The following COL22A1 variants were observed in gnomAD, a reference collection of about 807,000 sequenced individuals.
The protein encoded by COL22A1 is collagen alpha-1(XXII) chain.
COL22A1 carries 221 observed loss-of-function variants against 248.9 expected under a neutral mutation model. The observed-to-expected ratio is 0.89, with a 90% CI of 0.80 to 0.99. COL22A1 has a LOEUF of 0.99. Among genes scored for constraint, COL22A1 ranks in the 50% least tolerant of loss-of-function variants. The pLI is 0.00. For synonymous variants in COL22A1, 891 were observed against 793.4 expected (o/e 1.12, Z -2.07); for missense variants, 2,240 against 2,179.0 (o/e 1.03, Z -0.56).
At chr8:138,629,733 C>T (rs960846277) in intron 50 of COL22A1, among the ~76,000 whole-genome samples, 2 of 152,234 alleles carry the variant, frequency 1.3e-5, no homozygotes, top group African/African-American at 2.4e-5. Context: ...CCCCATGGGA[C>T]TCTGACCTCC....
chr8:138,630,982 C>T (rs1820673615), intron 49 of COL22A1, among the ~76,000 whole-genome samples: 2 of 152,150 alleles, frequency 1.3e-5, no homozygotes, highest in African/African-American at 2.4e-5. Context: ...AGTGAGCCCC[C>T]ACTCAGTTCA....
intron 10 of COL22A1, among the ~76,000 whole-genome samples, chr8:138,804,022 C>G (rs946654587): frequency 6.6e-6 from 1 of 152,088 alleles, no homozygotes; most frequent in Admixed American, 6.5e-5. Context: ...ATGGGGCCTC[C>G]CCTCTCAGCC....
chr8:138,805,070 T>TAATGGTGTGTGGTG, intron 10 of COL22A1, among the ~76,000 whole-genome samples: 1 of 145,000 alleles, frequency 6.9e-6, no homozygotes, highest in African/African-American at 2.6e-5. Flanking sequence ...TGATGGTGTG[T>TAATGGTGTGTGGTG]GTGTGTGTTA....
At chr8:138,604,050 A>G (rs987222601) in intron 59 of COL22A1, among the ~76,000 whole-genome samples, 13 of 152,288 alleles carry the variant, frequency 8.5e-5, no homozygotes, top group African/African-American at 2.9e-4. Flanking sequence ...CTTCAGTGTC[A>G]AGGAAAGTTG....
rs1823868542 is a variant in COL22A1, at chr8:138,660,975, T to TGC, written c.3241-496_3241-495insGC. 9.6e-5 allele frequency among the ~76,000 whole-genome samples: 5 copies of TGC among 52,118 alleles called. 1 individual carries two copies. Among genetic ancestry groups the TGC allele is most frequent in the African/African-American group, 2.6e-4 (5 of 19,266 alleles). The allele number at this position is 52,118 out of a possible 152,430, so 34.2% of individuals were successfully genotyped here. On this transcript the variant is annotated intron_variant, in intron 43 of 64. Coordinates refer to ENST00000303045, the MANE Select transcript of COL22A1 (RefSeq NM_152888.3). ...ACACAGACACACACGCACACACACA[T>TGC]ACACACACACATACACACATACACA...
chr8:138,655,941 G>A lies in COL22A1; in HGVS notation c.3289C>T (p.Leu1097Phe), dbSNP rs774719003. Residue 1097 changes from leucine (L) to phenylalanine (F), a missense_variant, in exon 45 of 65, where the codon CTC (leucine) becomes TTC (phenylalanine). Coordinates refer to ENST00000303045, the MANE Select transcript of COL22A1 (RefSeq NM_152888.3). ...GERGPPGKPG[L>F]SSLLSPGDIN... ...TCCCCTGGAGACAGTAGTGAAGAGA[G>A]GCCCTGTCAAAATAAAAAGAAACAA... 1.7e-5 allele frequency: 27 copies of A among 1,611,272 alleles called. 1 individual carries two copies. The Admixed American group carries it at 4.3e-4, about 26-fold the overall frequency.
intron 7 of COL22A1, among the ~76,000 whole-genome samples, chr8:138,814,049 C>T (rs1818472254): frequency 6.6e-6 from 1 of 152,246 alleles, no homozygotes; most frequent in Non-Finnish European, 1.5e-5. Flanking sequence ...TGCATGAACA[C>T]ATTCACACAC....
chr8:138,798,052 T>C (rs1816700209), intron 11 of COL22A1, among the ~76,000 whole-genome samples: 1 of 151,756 alleles, frequency 6.6e-6, no homozygotes, highest in African/African-American at 2.4e-5. Context: ...TCTCTTTGAA[T>C]ACAAAAGATA....
At chr8:138,890,335 C>A (rs1033927867) in intron 1 of COL22A1, among the ~76,000 whole-genome samples, 8 of 152,108 alleles carry the variant, frequency 5.3e-5, no homozygotes, top group African/African-American at 1.4e-4. Context: ...GCTTCTTTGC[C>A]GTATCTACTC....
At chr8:138,670,960 CAAAAAAAA>C (rs60845059) in intron 41 of COL22A1, among the ~76,000 whole-genome samples, 10 of 55,380 alleles carry the variant, frequency 1.8e-4, no homozygotes, top group East Asian at 7.8e-4. Context: ...GACCTTGTCT[CAAAAAAAA>C]AAAAAAAAAA....
chr8:138,754,002 A>T (rs75934336), intron 21 of COL22A1, among the ~76,000 whole-genome samples: 64 of 152,332 alleles, frequency 4.2e-4, no homozygotes, highest in Non-Finnish European at 8.1e-4. Flanking sequence ...GTTCAAGTTC[A>T]GTTCTGCTTC....
intron 47 of COL22A1, among the ~76,000 whole-genome samples, chr8:138,637,178 C>CTAG (rs1193110757): frequency 5.9e-5 from 9 of 152,024 alleles, no homozygotes; most frequent in Non-Finnish European, 1.2e-4. Flanking sequence ...GTGGGATAGG[C>CTAG]TAGTGGTCCA....
chr8:138,591,438 G>T lies in COL22A1; in HGVS notation c.4679C>A (p.Pro1560His), dbSNP rs1817037001. 1.3e-6 allele frequency: 2 copies of T among 1,581,234 alleles called. No individual in the cohort carries two copies. The highest frequency in any genetic ancestry group is 1.4e-5 in the African/African-American group (1 of 73,520). ...ATGAGTCATACCTGGGATTCCAGGG[G>T]GTCCCATCTCGCCTCGGAGGCCAAC... is the stretch of plus-strand genomic sequence containing the variant. ...PGVGLRGEMG[P>H]PGIPGQPGEP... is the part of the protein sequence containing the mutation. The change falls in exon 64 of 65, where the codon CCC becomes CAC. Residue 1560 changes from proline to histidine, a missense_variant. Physicochemically the swap from Pro to His is moderately conservative, Grantham distance 77. Coordinates refer to ENST00000303045, the MANE Select transcript of COL22A1 (RefSeq NM_152888.3).
At chr8:138,874,817 G>T (rs1463176697) in intron 3 of COL22A1, among the ~76,000 whole-genome samples, 2 of 152,146 alleles carry the variant, frequency 1.3e-5, no homozygotes, top group African/African-American at 4.8e-5. Context: ...CTTCTTTCTT[G>T]CTCCTCTTTG....
chr8:138,645,868 A>G (rs1403988151), intron 47 of COL22A1, among the ~76,000 whole-genome samples: 1 of 152,168 alleles, frequency 6.6e-6, no homozygotes, highest in Non-Finnish European at 1.5e-5. Flanking sequence ...GAAGGTGTTC[A>G]TTCTGCAGCA....
Position 138,821,126 on chromosome 8 carries a change from T to C in COL22A1, c.1245+10A>G. The stretch of plus-strand genomic sequence containing the variant: ...GGAACCTGGGCTGCAGAAGGCCCCC[T>C]GGTACTCACGTCAATGGGCACACTG... On this transcript the variant is annotated intron_variant, in intron 7 of 64. Coordinates refer to ENST00000303045, the MANE Select transcript of COL22A1 (RefSeq NM_152888.3). The C allele has an allele frequency of 1.2e-6, 2 of 1,610,122 alleles. No individual in the cohort carries two copies. The highest frequency in any genetic ancestry group is 2.2e-5 in the South Asian group (2 of 91,008).
intron 23 of COL22A1, among the ~76,000 whole-genome samples, chr8:138,735,916 C>CG (rs894909376): frequency 1.3e-5 from 2 of 152,130 alleles, no homozygotes; most frequent in Non-Finnish European, 2.9e-5. Flanking sequence ...ACCGCCACCC[C>CG]GGGGAATCTG....
intron 4 of COL22A1, among the ~76,000 whole-genome samples, chr8:138,839,656 G>C (rs1469851285): frequency 6.6e-6 from 1 of 152,178 alleles, no homozygotes; most frequent in Non-Finnish European, 1.5e-5. Context: ...GGAAGAAGCA[G>C]TTGAATTGGA....
At chr8:138,763,392 AAAAAG>A (rs1335157330) in intron 16 of COL22A1, among the ~76,000 whole-genome samples, 2 of 151,356 alleles carry the variant, frequency 1.3e-5, no homozygotes, top group Non-Finnish European at 3.0e-5. Flanking sequence ...GTCTCCAAAA[AAAAAG>A]AAAAAGAAAA....
Sources: allele counts gnomAD v4.1 joint callset (sites outside exome capture counted in the v4.1 genomes callset), GRCh38; gene constraint gnomAD v4.1.1; transcripts MANE v1.5; gene names NCBI Gene and HGNC (gene_info 2026-07-23, HGNC 2026-07-21).